RAPGEF4: variants seen among roughly 807,000 people sequenced by gnomAD.
RAPGEF4 encodes the protein RAP guanine-nucleotide-exchange factor (GEF) 4.
A neutral mutation model predicts 147.9 loss-of-function variants in RAPGEF4; 66 were observed. That is an observed-to-expected ratio of 0.45 (90% CI 0.37 to 0.55). The LOEUF (loss-of-function observed/expected upper bound fraction) is 0.55. Among genes scored for constraint, RAPGEF4 ranks in the 20% least tolerant of loss-of-function variants. The pLI is 0.00. For synonymous variants in RAPGEF4, 419 were observed against 442.7 expected (o/e 0.95, Z 0.67); for missense variants, 1,071 against 1,257.3 (o/e 0.85, Z 2.24).
chr2:172,864,636 G>T (rs1022206132), intron 4 of RAPGEF4, among the ~76,000 whole-genome samples: 3 of 152,252 alleles, frequency 2.0e-5, no homozygotes, highest in Non-Finnish European at 4.4e-5. Flanking sequence ...GGGCACAGCG[G>T]CTCACGCCTG....
intron 3 of RAPGEF4, among the ~76,000 whole-genome samples, chr2:172,812,508 T>C (rs1688120591): frequency 6.6e-6 from 1 of 152,192 alleles, no homozygotes; most frequent in East Asian, 1.9e-4. Context: ...GGCTCACGTG[T>C]GTCTCCCAGC....
At chr2:172,976,241 G>A (rs79135940) in intron 10 of RAPGEF4, among the ~76,000 whole-genome samples, 4 of 152,084 alleles carry the variant, frequency 2.6e-5, no homozygotes, top group Non-Finnish European at 4.4e-5. Context: ...CTGAGCAGTC[G>A]GAGCTGGGTA....
chr2:172,808,048 A>T (rs567091538), intron 3 of RAPGEF4, among the ~76,000 whole-genome samples: 1 of 152,244 alleles, frequency 6.6e-6, no homozygotes, highest in African/African-American at 2.4e-5. Context: ...CAGAATACCT[A>T]TAACTTGTGT....
intron 4 of RAPGEF4, among the ~76,000 whole-genome samples, chr2:172,856,526 A>G (rs1184977937): frequency 6.6e-6 from 1 of 152,190 alleles, no homozygotes; most frequent in Non-Finnish European, 1.5e-5. Flanking sequence ...TATATTATAG[A>G]GATTCTGAAT....
chr2:172,920,468 A>G (rs1257137640), intron 5 of RAPGEF4, among the ~76,000 whole-genome samples: 1 of 152,158 alleles, frequency 6.6e-6, no homozygotes, highest in Non-Finnish European at 1.5e-5. Context: ...TGCTATGGTC[A>G]TCTGGTGTTA....
At chr2:172,966,464 A>ATGC (rs1689852121) in intron 9 of RAPGEF4, among the ~76,000 whole-genome samples, 1 of 152,142 alleles carries the variant, frequency 6.6e-6, no homozygotes, top group Non-Finnish European at 1.5e-5. Flanking sequence ...AAGTTCCCAG[A>ATGC]TGCTGCTGCT....
rs577424290 is a variant in RAPGEF4, at chr2:172,987,485, A to G, written c.1151-711A>G. Among the ~76,000 whole-genome samples the G allele has an allele frequency of 6.6e-5, 10 of 152,304 alleles. No homozygotes were observed. In the East Asian group the frequency reaches 1.9e-3, roughly 29 times the overall value. On this transcript the variant is annotated intron_variant, in intron 12 of 30. Transcript: ENST00000397081. ...TACATCTATGTGTTCCACGTTTACG[A>G]ATTCAACCCACTGAAGATCAAAAAT... is the stretch of plus-strand genomic sequence containing the variant.
intron 17 of RAPGEF4, among the ~76,000 whole-genome samples, chr2:173,003,125 C>T (rs79205545): frequency 2.0e-5 from 3 of 150,212 alleles, no homozygotes; most frequent in South Asian, 2.1e-4. Flanking sequence ...CCAAACACTG[C>T]GCTTGTCTTT....
At chr2:172,860,682 C>G (rs1693944059) in intron 4 of RAPGEF4, among the ~76,000 whole-genome samples, 1 of 151,386 alleles carries the variant, frequency 6.6e-6, no homozygotes, top group African/African-American at 2.4e-5. Flanking sequence ...TATTTGTCAC[C>G]CAGCATTTCA....
chr2:172,886,713 T>C (rs1274315942), intron 4 of RAPGEF4, among the ~76,000 whole-genome samples: 3 of 151,646 alleles, frequency 2.0e-5, no homozygotes, highest in Non-Finnish European at 4.4e-5. Flanking sequence ...GCAATGCCTT[T>C]TTTTTTTTTT....
At chr2:172,816,319 C>G (rs1020198715) in intron 4 of RAPGEF4, among the ~76,000 whole-genome samples, 3 of 151,816 alleles carry the variant, frequency 2.0e-5, no homozygotes, top group South Asian at 2.1e-4. Context: ...CCTGCCCCAT[C>G]ATGGCATTGA....
At position 172,797,621 on chromosome 2, in the gene RAPGEF4, G is replaced by A. The variant is rs1686507366; in HGVS notation, c.297+8G>A. The A allele has an allele frequency of 1.2e-6, 2 of 1,603,358 alleles. No individual in the cohort carries two copies. The highest frequency in any genetic ancestry group is 8.5e-7 in the Non-Finnish European group (1 of 1,172,222). ...GAGACCAGCAGTCACCAGGTAATAT[G>A]GTCTATTTTTTTGAAAGTAGGATTT... On this transcript the variant is annotated splice_region_variant and intron_variant, in intron 3 of 30. Coordinates refer to ENST00000397081, the MANE Select transcript of RAPGEF4 (RefSeq NM_007023.4).
At chr2:172,917,406 C>T (rs970909565) in intron 4 of RAPGEF4, 3 of 492,924 alleles carry the variant, frequency 6.1e-6, no homozygotes, top group Non-Finnish European at 8.0e-6. Flanking sequence ...GTGCCATTCA[C>T]CTATTAAGTA....
intron 6 of RAPGEF4, among the ~76,000 whole-genome samples, chr2:172,936,707 C>T (rs953198084): frequency 2.6e-5 from 4 of 151,822 alleles, no homozygotes; most frequent in Non-Finnish European, 5.9e-5. Flanking sequence ...GTTGCTCTTC[C>T]TTCGTTCCTG....
chr2:172,740,176 T>C (rs991988205), intron 1 of RAPGEF4, among the ~76,000 whole-genome samples: 4 of 152,222 alleles, frequency 2.6e-5, no homozygotes, highest in Admixed American at 6.5e-5. Flanking sequence ...AAGTTTGCCA[T>C]CTTTTGTTAT....
chr2:172,948,847 A>G (rs945636225), intron 6 of RAPGEF4, among the ~76,000 whole-genome samples: 1 of 152,082 alleles, frequency 6.6e-6, no homozygotes, highest in African/African-American at 2.4e-5. Context: ...ACAATAACTA[A>G]TGGGTACTGG....
intron 4 of RAPGEF4, among the ~76,000 whole-genome samples, chr2:172,898,772 A>G (rs1698778906): frequency 1.3e-5 from 2 of 152,168 alleles, no homozygotes; most frequent in South Asian, 4.1e-4. Flanking sequence ...GAAAGGTGTC[A>G]CTTTCAGCTT....
chr2:172,865,732 T>C (rs1411156097), intron 4 of RAPGEF4, among the ~76,000 whole-genome samples: 5 of 152,066 alleles, frequency 3.3e-5, no homozygotes, highest in Non-Finnish European at 5.9e-5. Flanking sequence ...CCACCACCCA[T>C]TCCTCTTACC....
At chr2:172,942,852 T>C (rs1687307209) in intron 6 of RAPGEF4, among the ~76,000 whole-genome samples, 1 of 152,206 alleles carries the variant, frequency 6.6e-6, no homozygotes. Flanking sequence ...ATATTTTGCA[T>C]GCTGCTTCTT....
Sources: gnomAD v4.1 joint callset for allele counts (sites outside exome capture counted in the v4.1 genomes callset) on GRCh38, gnomAD v4.1.1 for gene constraint, MANE v1.5 for transcripts, NCBI Gene and HGNC (gene_info 2026-07-23, HGNC 2026-07-21) for gene names.